Variants in CA10 observed in about 807,000 individuals in gnomAD.
CA10 encodes the protein carbonic anhydrase 10 (inactive), also known as carbonic anhydrase-related protein 10.
CA10 carries 14 observed loss-of-function variants against 44.2 expected under a neutral mutation model. That is an observed-to-expected ratio of 0.32 (90% CI 0.21 to 0.50). The LOEUF (loss-of-function observed/expected upper bound fraction) is 0.50. Among genes scored for constraint, CA10 ranks in the 20% least tolerant of loss-of-function variants. The pLI is 0.99. For synonymous variants in CA10, 159 were observed against 141.6 expected, an observed-to-expected ratio of 1.12 and a Z score of -0.87; for missense variants, 350 against 409.7, an observed-to-expected ratio of 0.85 and a Z score of 1.26.
chr17:51,703,693 A>G (rs1915672981), intron 4 of CA10, among the ~76,000 whole-genome samples: 1 of 152,186 alleles, frequency 6.6e-6, no homozygotes, highest in Non-Finnish European at 1.5e-5. Flanking sequence ...TGAGGTGGCA[A>G]AGGATGGGCT....
intron 2 of CA10, among the ~76,000 whole-genome samples, chr17:51,945,146 G>C (rs946276186): frequency 6.6e-6 from 1 of 152,104 alleles, no homozygotes; most frequent in Admixed American, 6.5e-5. Flanking sequence ...AAGCTAATAG[G>C]GATTTAGTTA....
Position 52,104,505 on chromosome 17 carries a change from T to TC in CA10, c.62-32113dup, listed in dbSNP as rs199645027. 5.4e-3 allele frequency among the ~76,000 whole-genome samples: 827 copies of TC among 152,264 alleles called. 9 individuals are homozygous for TC. The highest frequency in any genetic ancestry group is 0.019 in the African/African-American group (789 of 41,550). On this transcript the variant is annotated intron_variant, in intron 1 of 8. Coordinates refer to ENST00000451037, the MANE Select transcript of CA10 (RefSeq NM_020178.5). ...AGGTTTGAGCCACTGTGCCTGGCCCTCCTGCCTTGTTCTTAGCTGTCTTTC... is the reference window on the plus strand; with the variant it reads ...AGGTTTGAGCCACTGTGCCTGGCCCTCCCTGCCTTGTTCTTAGCTGTCTTTC...
intron 3 of CA10, among the ~76,000 whole-genome samples, chr17:51,810,609 C>G (rs1415230412): frequency 6.6e-6 from 1 of 152,092 alleles, no homozygotes; most frequent in Non-Finnish European, 1.5e-5. Flanking sequence ...AGAAGAAGCC[C>G]CGGAAGCTTC....
chr17:51,725,546 C>T (rs1351494693), intron 4 of CA10, among the ~76,000 whole-genome samples: 2 of 152,188 alleles, frequency 1.3e-5, no homozygotes, highest in East Asian at 3.9e-4. Flanking sequence ...CCACACATCC[C>T]TAGGATGTGG....
intron 1 of CA10, among the ~76,000 whole-genome samples, chr17:52,152,289 G>A (rs953916844): frequency 7.9e-5 from 12 of 152,048 alleles, no homozygotes; most frequent in Non-Finnish European, 7.4e-5. Flanking sequence ...ATACAAAAAC[G>A]AAAGTCACAA....
At chr17:51,799,272 C>T (rs1468299356) in intron 3 of CA10, among the ~76,000 whole-genome samples, 3 of 152,130 alleles carry the variant, frequency 2.0e-5, no homozygotes, top group African/African-American at 7.2e-5. Flanking sequence ...ACCATAAACC[C>T]CCAGTGGCAG....
chr17:51,685,552 C>G (rs112976776), intron 4 of CA10, among the ~76,000 whole-genome samples: 125 of 152,264 alleles, frequency 8.2e-4, no homozygotes, highest in Middle Eastern at 3.4e-3. Flanking sequence ...ATCACTGAGC[C>G]TTGCAATCAA....
chr17:52,098,850 C>T (rs1244752165), intron 1 of CA10, among the ~76,000 whole-genome samples: 6 of 152,142 alleles, frequency 3.9e-5, no homozygotes, highest in Non-Finnish European at 4.4e-5. Context: ...GGCTCTAAGA[C>T]ACATCTTTAC....
intron 4 of CA10, among the ~76,000 whole-genome samples, chr17:51,674,098 C>A (rs1020333709): frequency 2.0e-5 from 3 of 152,228 alleles, no homozygotes; most frequent in Admixed American, 2.0e-4. Flanking sequence ...TCTATTAAGG[C>A]CTCTACTGCT....
At chr17:52,103,353 C>T (rs915796695) in intron 1 of CA10, among the ~76,000 whole-genome samples, 12 of 152,218 alleles carry the variant, frequency 7.9e-5, no homozygotes, top group African/African-American at 2.4e-4. Context: ...CTCTCCCAGT[C>T]GTCCACAGCA....
chr17:52,108,164 A>T (rs1171952865), intron 1 of CA10, among the ~76,000 whole-genome samples: 3 of 144,764 alleles, frequency 2.1e-5, no homozygotes, highest in South Asian at 2.1e-4. Context: ...GTATATATAT[A>T]TTTTTAATAT....
chr17:51,725,981 C>CG (rs1916505721), intron 4 of CA10, among the ~76,000 whole-genome samples: 2 of 206 alleles, frequency 9.7e-3, no homozygotes, highest in African/African-American at 0.023. Context: ...AAGAGTCATT[C>CG]ACCTGTCGGG....
At chr17:51,919,003 G>A (rs528002140) in intron 3 of CA10, among the ~76,000 whole-genome samples, 12 of 152,126 alleles carry the variant, frequency 7.9e-5, no homozygotes, top group Middle Eastern at 3.4e-3. Flanking sequence ...AACTGCCTAC[G>A]CTGCATAGAC....
chr17:51,921,065 G>T (rs539865885), intron 3 of CA10, among the ~76,000 whole-genome samples: 1 of 152,260 alleles, frequency 6.6e-6, no homozygotes, highest in East Asian at 1.9e-4. Context: ...TCCAATGTTA[G>T]TGCTTTAAAG....
chr17:51,899,242 G>C (rs1164037021), intron 3 of CA10, among the ~76,000 whole-genome samples: 1 of 151,948 alleles, frequency 6.6e-6, no homozygotes, highest in Non-Finnish European at 1.5e-5. Context: ...TTCTGGTATG[G>C]TATATCTTTG....
chr17:51,805,278 T>A (rs942126465), intron 3 of CA10, among the ~76,000 whole-genome samples: 1 of 152,254 alleles, frequency 6.6e-6, no homozygotes, highest in African/African-American at 2.4e-5. Flanking sequence ...AAACATATTA[T>A]GCAGCTACTG....
chr17:51,862,285 C>T (rs999660215), intron 3 of CA10, among the ~76,000 whole-genome samples: 4 of 152,144 alleles, frequency 2.6e-5, no homozygotes, highest in African/African-American at 9.7e-5. Flanking sequence ...AATCTAGAAT[C>T]AGACGGGAGA....
chr17:51,800,930 T>C (rs1906903803), intron 3 of CA10, among the ~76,000 whole-genome samples: 2 of 152,156 alleles, frequency 1.3e-5, no homozygotes, highest in African/African-American at 4.8e-5. Flanking sequence ...AAGAAGTACT[T>C]GCCCTCTCTG....
chr17:52,004,552 C>T (rs559157417), intron 2 of CA10, among the ~76,000 whole-genome samples: 2 of 151,910 alleles, frequency 1.3e-5, no homozygotes, highest in Non-Finnish European at 2.9e-5. Flanking sequence ...TTTAGTACAG[C>T]CATTCTACGC....
Sources: allele counts gnomAD v4.1 joint callset (sites outside exome capture counted in the v4.1 genomes callset), GRCh38; gene constraint gnomAD v4.1.1; transcripts MANE v1.5; gene names NCBI Gene and HGNC (gene_info 2026-07-23, HGNC 2026-07-21).